Variants in KIAA1549L observed in about 807,000 individuals in gnomAD.
The protein encoded by KIAA1549L is UPF0606 protein KIAA1549L.
KIAA1549L carries 88 observed loss-of-function variants against 160.7 expected under a neutral mutation model. That is an observed-to-expected ratio of 0.55 (90% confidence interval 0.46 to 0.65). The LOEUF (loss-of-function observed/expected upper bound fraction) is 0.65. Ranked by LOEUF, KIAA1549L falls within the 30% of genes least tolerant of loss-of-function variation. The probability of loss-of-function intolerance (pLI) is 0.00; values close to 1 mark genes in which losing one functional copy is unlikely to be tolerated. For missense variants in KIAA1549L, 2,258 were observed against 2,437.5 expected (o/e 0.93, Z 1.55); for synonymous variants, 950 against 976.7 (o/e 0.97, Z 0.51).
intron 16 of KIAA1549L, among the ~76,000 whole-genome samples, chr11:33,645,416 G>A (rs1851689484): frequency 1.3e-5 from 2 of 152,036 alleles, no homozygotes; most frequent in Non-Finnish European, 2.9e-5. Context: ...GCCATTTCTC[G>A]AGTCTGTTAC....
chr11:33,562,679 T>A (rs532942518), intron 8 of KIAA1549L, among the ~76,000 whole-genome samples: 1 of 69,802 alleles, frequency 1.4e-5, no homozygotes, highest in South Asian at 3.6e-4. Context: ...TCATTTCCTC[T>A]TTTTTTTTTT....
intron 16 of KIAA1549L, among the ~76,000 whole-genome samples, chr11:33,632,909 C>T (rs556010761): frequency 6.6e-6 from 1 of 152,068 alleles, no homozygotes; most frequent in South Asian, 2.1e-4. Context: ...AAGGAACACA[C>T]CCAACAGTCT....
intron 16 of KIAA1549L, among the ~76,000 whole-genome samples, chr11:33,638,998 A>G (rs1213180813): frequency 6.6e-6 from 1 of 152,160 alleles, no homozygotes; most frequent in Non-Finnish European, 1.5e-5. Flanking sequence ...TGTAGGAACT[A>G]TTTATATATT....
At chr11:33,467,091 A>C (rs1852077870) in intron 1 of KIAA1549L, among the ~76,000 whole-genome samples, 1 of 152,226 alleles carries the variant, frequency 6.6e-6, no homozygotes, top group Non-Finnish European at 1.5e-5. Context: ...CATGTTGTGC[A>C]CATGTACCCT....
At chr11:33,578,086 G>C (rs145198467) in intron 10 of KIAA1549L, among the ~76,000 whole-genome samples, 1 of 152,334 alleles carries the variant, frequency 6.6e-6, no homozygotes, top group Non-Finnish European at 1.5e-5. Context: ...ATGAAAAGGA[G>C]AGCTGGCTTC....
chr11:33,560,302 G>T (rs974486115), intron 7 of KIAA1549L, among the ~76,000 whole-genome samples: 8 of 152,206 alleles, frequency 5.3e-5, no homozygotes, highest in Non-Finnish European at 1.0e-4. Flanking sequence ...CACTTAGCTA[G>T]TGAGCCATGG....
intron 1 of KIAA1549L, among the ~76,000 whole-genome samples, chr11:33,394,610 G>A (rs1850337163): frequency 6.6e-6 from 1 of 152,148 alleles, no homozygotes; most frequent in African/African-American, 2.4e-5. Flanking sequence ...TTTAGACGGG[G>A]CATCTGTCAC....
At chr11:33,550,042 CAA>C (rs11284498) in intron 4 of KIAA1549L, among the ~76,000 whole-genome samples, 51 of 138,352 alleles carry the variant, frequency 3.7e-4, no homozygotes, top group Middle Eastern at 3.7e-3. Flanking sequence ...AAAAAAGAAA[CAA>C]AAAAAAAAAA....
At chr11:33,439,285 A>C (rs1851444386) in intron 1 of KIAA1549L, among the ~76,000 whole-genome samples, 1 of 152,060 alleles carries the variant, frequency 6.6e-6, no homozygotes, top group South Asian at 2.1e-4. Flanking sequence ...GATACATAAT[A>C]TTTTACTTAT....
rs933001530 is a variant in KIAA1549L, at chr11:33,660,166, C to T, written c.6008-697C>T. On this transcript the variant is annotated intron_variant, in intron 19 of 20. Coordinates refer to ENST00000658780, the MANE Select transcript of KIAA1549L (RefSeq NM_012194.3). ...TCCCCAGGTGAGTACAGACTCCACC[C>T]CTGGCAAAGGGAATACTGTCTGGAC... Among the ~76,000 whole-genome samples the T allele has an allele frequency of 3.6e-5, 5 of 137,082 alleles. No homozygotes were observed. The East Asian group carries it at 1.1e-3, about 30-fold the overall frequency. 89.9% of individuals were successfully genotyped at this position (137,082 alleles called of 152,430 possible).
intron 1 of KIAA1549L, among the ~76,000 whole-genome samples, chr11:33,441,095 A>G (rs1289450044): frequency 5.6e-5 from 6 of 106,976 alleles, no homozygotes; most frequent in African/African-American, 7.4e-5. Context: ...AACAGTCCCC[A>G]GTGTGTGATG....
intron 12 of KIAA1549L, among the ~76,000 whole-genome samples, chr11:33,596,864 G>T (rs1423561035): frequency 6.6e-6 from 1 of 152,138 alleles, no homozygotes; most frequent in Non-Finnish European, 1.5e-5. Flanking sequence ...GGGAGAGTAG[G>T]TGCCATTCAC....
chr11:33,507,158 C>T (rs562856468), intron 1 of KIAA1549L, among the ~76,000 whole-genome samples: 104 of 152,284 alleles, frequency 6.8e-4, no homozygotes, highest in Non-Finnish European at 1.2e-3. Flanking sequence ...CACCAAATCC[C>T]TTGCTGCTAA....
intron 11 of KIAA1549L, among the ~76,000 whole-genome samples, chr11:33,587,024 T>A (rs1360784098): frequency 1.3e-5 from 2 of 152,190 alleles, no homozygotes; most frequent in East Asian, 3.9e-4. Context: ...AATAGGAAAG[T>A]TACTTAACCT....
chr11:33,391,581 A>G (rs562950886), intron 1 of KIAA1549L, among the ~76,000 whole-genome samples: 1 of 152,236 alleles, frequency 6.6e-6, no homozygotes, highest in East Asian at 1.9e-4. Flanking sequence ...GGCTCTTTTC[A>G]TTTGCACATC....
intron 1 of KIAA1549L, among the ~76,000 whole-genome samples, chr11:33,418,885 C>CTTT (rs60307209): frequency 2.4e-4 from 33 of 139,592 alleles, no homozygotes; most frequent in African/African-American, 5.9e-4. Flanking sequence ...GCATTCCTAG[C>CTTT]TTTTTTTTTT....
chr11:33,417,246 G>A (rs182900194), intron 1 of KIAA1549L, among the ~76,000 whole-genome samples: 110 of 152,172 alleles, frequency 7.2e-4, no homozygotes, highest in Non-Finnish European at 1.5e-3. Context: ...CTTTCTGATC[G>A]TAGTTCAGTA....
intron 1 of KIAA1549L, among the ~76,000 whole-genome samples, chr11:33,538,092 G>A (rs1243815883): frequency 6.6e-6 from 1 of 152,218 alleles, no homozygotes; most frequent in Non-Finnish European, 1.5e-5. Flanking sequence ...AGGTGAAGGG[G>A]AAGCAAGGCA....
chr11:33,551,232 C>T lies in KIAA1549L; in HGVS notation c.3694C>T (p.Pro1232Ser), dbSNP rs1854452357. The T allele has an allele frequency of 1.2e-6, 2 of 1,613,414 alleles. No homozygotes were observed. The highest frequency in any genetic ancestry group is 1.7e-6 in the Non-Finnish European group (2 of 1,179,840). ...AVLASPWNPQPAGYFQLKTVL... is the reference protein window; with the variant it reads ...AVLASPWNPQSAGYFQLKTVL... ...ACTTGCCTCCCCATGGAATCCCCAG[C>T]CTGCAGGCTACTTCCAGCTAAAAAC... The change falls in exon 5 of 21, where the codon CCT becomes TCT. Residue 1232 changes from proline (P) to serine (S), a missense_variant. Physicochemically the swap from Pro to Ser is moderately conservative, Grantham distance 74. This residue lies in a region of KIAA1549L where 1,359 missense variants were observed against 1,546.6 expected (regional missense o/e 0.88). Coordinates refer to ENST00000658780, the MANE Select transcript of KIAA1549L (RefSeq NM_012194.3).
Sources: allele counts gnomAD v4.1 joint callset (sites outside exome capture counted in the v4.1 genomes callset), GRCh38; gene constraint gnomAD v4.1.1; regional missense constraint gnomAD v4.1.1; transcripts MANE v1.5; gene names NCBI Gene and HGNC (gene_info 2026-07-23, HGNC 2026-07-21).